The following DMBX1 variants were observed in gnomAD, a reference collection of about 807,000 sequenced individuals.
DMBX1 encodes the protein diencephalon/mesencephalon homeobox protein 1.
Under a neutral mutation model 30.4 loss-of-function variants are expected in DMBX1, and 7 were observed. The observed-to-expected ratio is 0.23, with a 90% CI of 0.13 to 0.43. The LOEUF is 0.43. Among genes scored for constraint, DMBX1 ranks in the 20% least tolerant of loss-of-function variants. The probability of loss-of-function intolerance (pLI) is 1.00; values close to 1 mark genes in which losing one functional copy is unlikely to be tolerated. For missense variants in DMBX1, 460 were observed against 508.5 expected (o/e 0.90, Z 0.92); for synonymous variants, 222 against 214.2 (o/e 1.04, Z -0.32).
At chr1:46,508,818 C>A (rs1666291871) in intron 3 of DMBX1, among the ~76,000 whole-genome samples, 1 of 148,184 alleles carries the variant, frequency 6.7e-6, no homozygotes, top group Non-Finnish European at 1.5e-5. Context: ...GCCCCCCACC[C>A]CCCACCCCCC....
At chr1:46,496,744 G>T (rs1295045011) in intron 2 of DMBX1, among the ~76,000 whole-genome samples, 1 of 152,112 alleles carries the variant, frequency 6.6e-6, no homozygotes, top group Non-Finnish European at 1.5e-5. Context: ...CTCATGACAA[G>T]GTCTCTTTCC....
rs1311971618 is a variant in DMBX1, at chr1:46,493,432, C to T, written c.-13+2649C>T. On this transcript the variant is annotated intron_variant, in intron 2 of 5. Transcript: ENST00000360032. This position sits in a 1 kb window ranked among gnomAD's most constrained non-coding sequence, Gnocchi z 4.1. ...CTCTCTTTCTATTTAGTCACCTGTC[C>T]GTTCTTCCAAGCTTATTTGACTCTG... Among the ~76,000 whole-genome samples the T allele has an allele frequency of 1.3e-5, 2 of 152,220 alleles. No individual in the cohort carries two copies. The highest frequency in any genetic ancestry group is 2.4e-5 in the African/African-American group (1 of 41,470).
intron 3 of DMBX1, among the ~76,000 whole-genome samples, chr1:46,507,387 A>G (rs564078598): frequency 5.3e-5 from 8 of 152,330 alleles, no homozygotes; most frequent in East Asian, 3.9e-4. Context: ...GAGCTGCCCT[A>G]TGCTTTCAAA....
At position 46,512,583 on chromosome 1, in the gene DMBX1, A is replaced by C. The variant is rs972920302; in HGVS notation, c.*89A>C. ...AGGTGGCTCTCGAGGAGTTAACTCCATGAGCCCAGGGATCCTAGGGCCTGG... is the reference window on the plus strand; with the variant it reads ...AGGTGGCTCTCGAGGAGTTAACTCCCTGAGCCCAGGGATCCTAGGGCCTGG... On this transcript the variant is annotated 3_prime_UTR_variant, in exon 6 of 6. Transcript: ENST00000360032. The surrounding 1 kb of genome is among the most constrained non-coding windows in gnomAD (Gnocchi z 4.8). The C allele has an allele frequency of 7.1e-7, 1 of 1,412,646 alleles. No individual in the cohort carries two copies. The highest frequency in any genetic ancestry group is 1.4e-5 in the African/African-American group (1 of 69,928). The allele number at this position is 1,412,646 out of a possible 1,614,324, so 87.5% of individuals were successfully genotyped here.
chr1:46,489,876 A>T lies in DMBX1; in HGVS notation c.-154A>T, dbSNP rs1665897770. Among the ~76,000 whole-genome samples the T allele has an allele frequency of 6.6e-6, 1 of 150,836 alleles. No homozygotes were observed. The highest frequency in any genetic ancestry group is 6.6e-5 in the Admixed American group (1 of 15,180). On this transcript the variant is annotated splice_region_variant and 5_prime_UTR_variant, in exon 1 of 6. The change creates a premature stop within an existing upstream ORF in the 5' untranslated region. Transcript: ENST00000360032. ...GGCGGCGGCGCGGGCCGGGGTGACC[A>T]GGTACGAGCGGGCGGGGCTGGCGGG... is the stretch of plus-strand genomic sequence containing the variant.
chr1:46,503,385 A>G (rs1416040704), intron 2 of DMBX1, among the ~76,000 whole-genome samples: 1 of 152,200 alleles, frequency 6.6e-6, no homozygotes, highest in Non-Finnish European at 1.5e-5. Context: ...ACATCCCTCT[A>G]TCCAGGAATG....
At position 46,512,605 on chromosome 1, in the gene DMBX1, C is replaced by A; in HGVS notation, c.*111C>A. The A allele has an allele frequency of 8.1e-7, 1 of 1,231,986 alleles. No individual in the cohort carries two copies. The highest frequency in any genetic ancestry group is 1.1e-6 in the Non-Finnish European group (1 of 900,720). 76.3% of individuals were successfully genotyped at this position (1,231,986 alleles called of 1,614,324 possible). A position where few individuals can be genotyped will look rare whatever the true frequency, so the allele number is the denominator to read the frequency against. ...TCCATGAGCCCAGGGATCCTAGGGCCTGGGGTCCTGTTCCCTGCTCCGCTT... is the reference window on the plus strand; with the variant it reads ...TCCATGAGCCCAGGGATCCTAGGGCATGGGGTCCTGTTCCCTGCTCCGCTT... On this transcript the variant is annotated 3_prime_UTR_variant, in exon 6 of 6. Transcript: ENST00000360032. The surrounding 1 kb of genome is among the most constrained non-coding windows in gnomAD (Gnocchi z 4.8).
At chr1:46,511,465 C>A (rs1666370585) in intron 5 of DMBX1, among the ~76,000 whole-genome samples, 182 bp downstream of exon 5, 1 of 152,130 alleles carries the variant, frequency 6.6e-6, no homozygotes. Context: ...TCCAGGGGGT[C>A]CTGAGGGACG....
intron 2 of DMBX1, among the ~76,000 whole-genome samples, chr1:46,496,231 C>G (rs1025930202): frequency 6.6e-6 from 1 of 152,170 alleles, no homozygotes; most frequent in African/African-American, 2.4e-5. Flanking sequence ...GAGGTAGTAG[C>G]TGGGGATGTC....
At chr1:46,494,519 G>T (rs1665991916) in intron 2 of DMBX1, among the ~76,000 whole-genome samples, 2 of 152,160 alleles carry the variant, frequency 1.3e-5, no homozygotes, top group South Asian at 4.1e-4. Context: ...AGTTTGTATA[G>T]GGAACTAAGA....
In DMBX1 at chr1:46,494,611, T is replaced by G. The variant is rs573627376; in HGVS notation, c.-13+3828T>G. Among the ~76,000 whole-genome samples, 47 of 152,238 alleles carry G rather than the reference T, an allele frequency of 3.1e-4. 1 individual carries two copies. Among genetic ancestry groups the G allele is most frequent in the Admixed American group, 2.7e-3 (42 of 15,292 alleles). On this transcript the variant is annotated intron_variant, in intron 2 of 5. Transcript: ENST00000360032. ...CCCTGGAACTCTCCCAGTGGGTTCT[T>G]CTCCTATCCACTGGGCCCCCATCCC...
chr1:46,508,152 C>G (rs1666277272), intron 3 of DMBX1, among the ~76,000 whole-genome samples: 1 of 152,044 alleles, frequency 6.6e-6, no homozygotes, highest in Admixed American at 6.5e-5. Flanking sequence ...GCTGGTAAAC[C>G]CACATGGGCT....
Position 46,491,829 on chromosome 1 carries a change from T to C in DMBX1, c.-13+1046T>C, listed in dbSNP as rs1203461240. 6.6e-6 allele frequency among the ~76,000 whole-genome samples: 1 copy of C among 152,218 alleles called. No homozygotes were observed. The highest frequency in any genetic ancestry group is 2.4e-5 in the African/African-American group (1 of 41,450). On this transcript the variant is annotated intron_variant, in intron 2 of 5. Transcript: ENST00000360032. The surrounding 1 kb of genome is among the most constrained non-coding windows in gnomAD (Gnocchi z 5.5). Reference sequence around the variant, plus strand: ...AAAGGCACTCTGGCCTAAGGACGAATGAATTTAGTTCCTACCTCCCCTTTC... The same window carrying C: ...AAAGGCACTCTGGCCTAAGGACGAACGAATTTAGTTCCTACCTCCCCTTTC...
intron 2 of DMBX1, among the ~76,000 whole-genome samples, chr1:46,490,993 C>T (rs1665918901): frequency 6.6e-6 from 1 of 152,184 alleles, no homozygotes; most frequent in African/African-American, 2.4e-5. Context: ...ACTGGATGGC[C>T]GTAACTCAGT....
intron 2 of DMBX1, among the ~76,000 whole-genome samples, chr1:46,499,431 G>A (rs879940051): frequency 6.6e-6 from 1 of 152,186 alleles, no homozygotes; most frequent in African/African-American, 2.4e-5. Context: ...GATCCTGTGC[G>A]ACTGGGGTTG....
At chr1:46,505,586 T>C (rs1248553617) in intron 2 of DMBX1, among the ~76,000 whole-genome samples, 6 of 147,402 alleles carry the variant, frequency 4.1e-5, no homozygotes, top group East Asian at 2.0e-4. Context: ...AATATCACAC[T>C]CTGGGGACTG....
At chr1:46,495,475 T>G (rs1666009304) in intron 2 of DMBX1, among the ~76,000 whole-genome samples, 1 of 152,188 alleles carries the variant, frequency 6.6e-6, no homozygotes, top group African/African-American at 2.4e-5. Context: ...CTCAGCTTCC[T>G]TATCAGTCAA....
rs1197695402 is a variant in DMBX1 at position 46,493,816 on chromosome 1, A to G, written c.-13+3033A>G. 1.3e-5 allele frequency among the ~76,000 whole-genome samples: 2 copies of G among 152,256 alleles called. No individual in the cohort carries two copies. Among genetic ancestry groups the G allele is most frequent in the African/African-American group, 4.8e-5 (2 of 41,476 alleles). On this transcript the variant is annotated intron_variant, in intron 2 of 5. Transcript: ENST00000360032. This position sits in a 1 kb window ranked among gnomAD's most constrained non-coding sequence, Gnocchi z 4.1. ...CCGCAACCGCGCTTTCTGCGCCCGCAGGACAGACCCTCCTCCGAGTTCCTC... is the reference window on the plus strand; with the variant it reads ...CCGCAACCGCGCTTTCTGCGCCCGCGGGACAGACCCTCCTCCGAGTTCCTC...
rs914770260 is a variant in DMBX1 at position 46,514,813 on chromosome 1, C to T, written c.*2319C>T. The stretch of plus-strand genomic sequence containing the variant: ...ATTGCTTTGCAGAGAAGTCAATGCC[C>T]ATCACCCTTGATGGGGGTCAGCCTA... On this transcript the variant is annotated 3_prime_UTR_variant, in exon 6 of 6. Coordinates refer to ENST00000360032, the MANE Select transcript of DMBX1 (RefSeq NM_172225.2). 2.6e-5 allele frequency among the ~76,000 whole-genome samples: 4 copies of T among 152,146 alleles called. No homozygotes were observed. The highest frequency in any genetic ancestry group is 9.7e-5 in the African/African-American group (4 of 41,416).
Sources: allele counts gnomAD v4.1 joint callset (sites outside exome capture counted in the v4.1 genomes callset), GRCh38; gene constraint gnomAD v4.1.1; non-coding constraint Gnocchi (gnomAD v3.1); transcripts MANE v1.5; gene names NCBI Gene and HGNC (gene_info 2026-07-23, HGNC 2026-07-21).